The following ATXN7L1 variants were observed in gnomAD, a reference collection of about 807,000 sequenced individuals.
ATXN7L1 encodes ataxin-7-like protein 1.
A neutral mutation model predicts 70.8 loss-of-function variants in ATXN7L1; 15 were observed. That is an observed-to-expected ratio of 0.21 (90% CI 0.14 to 0.33). The LOEUF is 0.33. Among genes scored for constraint, ATXN7L1 ranks in the 10% least tolerant of loss-of-function variants. The pLI, the probability that ATXN7L1 is intolerant of heterozygous loss-of-function variation, is 1.00. For missense variants in ATXN7L1, 975 were observed against 1,097.1 expected (o/e 0.89, Z 1.57); for synonymous variants, 440 against 445.1 (o/e 0.99, Z 0.14).
chr7:105,814,931 C>T (rs183031464), intron 2 of ATXN7L1, among the ~76,000 whole-genome samples: 4 of 152,200 alleles, frequency 2.6e-5, no homozygotes, highest in East Asian at 1.9e-4. Flanking sequence ...ACAATCAGTT[C>T]GTAGGACTGT....
intron 7 of ATXN7L1, among the ~76,000 whole-genome samples, chr7:105,636,969 G>A (rs774952314): frequency 1.3e-5 from 2 of 152,202 alleles, no homozygotes; most frequent in African/African-American, 2.4e-5. Context: ...AGTTTGGAAC[G>A]GAATTGTTGC....
intron 3 of ATXN7L1, among the ~76,000 whole-genome samples, chr7:105,772,131 T>A (rs962449463): frequency 5.7e-5 from 8 of 140,086 alleles, no homozygotes; most frequent in African/African-American, 2.2e-4. Context: ...TGAAGTGCAG[T>A]GGCACGATCT....
intron 5 of ATXN7L1, 122 bp from the exon 6 acceptor site, chr7:105,639,691 T>A: frequency 1.4e-6 from 1 of 728,034 alleles, no homozygotes; most frequent in Non-Finnish European, 2.2e-6. Flanking sequence ...TCAGGCAATC[T>A]GTTTTTTGTT....
At position 105,605,042 on chromosome 7, in the gene ATXN7L1, C is replaced by CGGTTTTTTT; in HGVS notation, c.*2809_*2810insAAAAAAACC. 1 of 71,558 alleles carries CGGTTTTTTT rather than the reference C, an allele frequency of 1.4e-5. No individual in the cohort carries two copies. The highest frequency in any genetic ancestry group is 6.7e-4 in the South Asian group (1 of 1,496). The allele number at this position is 71,558 out of a possible 1,614,324, so 4.4% of individuals were successfully genotyped here. On this transcript the variant is annotated 3_prime_UTR_variant, in exon 12 of 12. Coordinates refer to ENST00000419735, the MANE Select transcript of ATXN7L1 (RefSeq NM_020725.2). ...GAAGGCATACAAGTTATCCAAGTCG[C>CGGTTTTTTT]TTTTTTTTTTTTTTTTTTTTTTTTA... is the stretch of plus-strand genomic sequence containing the variant.
chr7:105,722,912 T>TAA (rs1195773860), intron 3 of ATXN7L1, among the ~76,000 whole-genome samples: 10 of 150,100 alleles, frequency 6.7e-5, no homozygotes, highest in African/African-American at 2.5e-4. Context: ...TAAAATAAAA[T>TAA]AATAAAATAA....
chr7:105,719,175 T>A (rs898582859), intron 3 of ATXN7L1, among the ~76,000 whole-genome samples: 3 of 152,158 alleles, frequency 2.0e-5, no homozygotes, highest in African/African-American at 7.2e-5. Flanking sequence ...GAGGCCTGGA[T>A]GGGTGAGGGG....
At chr7:105,875,627 A>ACCCCCCCCC (rs3835024) in intron 2 of ATXN7L1, among the ~76,000 whole-genome samples, 185 bp downstream of exon 2, 2 of 94,774 alleles carry the variant, frequency 2.1e-5, no homozygotes, top group Non-Finnish European at 4.0e-5. Flanking sequence ...ACCCCCCTTT[A>ACCCCCCCCC]CCCCCCCCCC....
intron 2 of ATXN7L1, among the ~76,000 whole-genome samples, chr7:105,827,854 C>T (rs983873455): frequency 3.3e-5 from 5 of 152,116 alleles, no homozygotes; most frequent in African/African-American, 4.8e-5. Flanking sequence ...CCCCAGCAGT[C>T]GGGCTGCATC....
chr7:105,792,960 C>A (rs1311403927), intron 2 of ATXN7L1, among the ~76,000 whole-genome samples: 1 of 152,180 alleles, frequency 6.6e-6, no homozygotes, highest in African/African-American at 2.4e-5. Context: ...AATGAACCTG[C>A]AAAATTGTCA....
intron 4 of ATXN7L1, among the ~76,000 whole-genome samples, chr7:105,649,850 T>G (rs2115972410): frequency 6.6e-6 from 1 of 152,348 alleles, no homozygotes; most frequent in Non-Finnish European, 1.5e-5. Context: ...ATGAGAGTTC[T>G]CAGCTGTCTG....
chr7:105,761,122 G>T, intron 3 of ATXN7L1: 1 of 1,161,474 alleles, frequency 8.6e-7, no homozygotes. Flanking sequence ...GTCCAGGTGG[G>T]AATTGATGGC....
At chr7:105,860,972 G>A (rs1203471803) in intron 2 of ATXN7L1, among the ~76,000 whole-genome samples, 8 of 152,222 alleles carry the variant, frequency 5.3e-5, no homozygotes, top group South Asian at 2.1e-4. Context: ...CAAAGTACAC[G>A]CTGGGCATGG....
intron 2 of ATXN7L1, among the ~76,000 whole-genome samples, chr7:105,839,971 A>C (rs926481617): frequency 1.3e-5 from 2 of 152,242 alleles, no homozygotes; most frequent in Non-Finnish European, 2.9e-5. Context: ...GGGTGGTGTC[A>C]GGGAAACCTC....
intron 3 of ATXN7L1, among the ~76,000 whole-genome samples, chr7:105,745,613 TTTCCCCTAC>T: frequency 6.6e-6 from 1 of 152,330 alleles, no homozygotes; most frequent in Admixed American, 6.5e-5. Flanking sequence ...CTAGGGGCTC[TTTCCCCTAC>T]TTCACACTGC....
At chr7:105,696,954 CA>C (rs1169915092) in intron 3 of ATXN7L1, among the ~76,000 whole-genome samples, 1 of 152,102 alleles carries the variant, frequency 6.6e-6, no homozygotes, top group African/African-American at 2.4e-5. Flanking sequence ...CGTGATGCCC[CA>C]CACGCCACAA....
chr7:105,697,968 G>C (rs1035336587), intron 3 of ATXN7L1, among the ~76,000 whole-genome samples: 1 of 152,204 alleles, frequency 6.6e-6, no homozygotes, highest in Non-Finnish European at 1.5e-5. Flanking sequence ...GCAGGGACGA[G>C]CACTGTCTTT....
At chr7:105,805,879 G>A (rs887564179) in intron 2 of ATXN7L1, among the ~76,000 whole-genome samples, 8 of 152,212 alleles carry the variant, frequency 5.3e-5, no homozygotes, top group African/African-American at 1.9e-4. Flanking sequence ...GATAAGGCCA[G>A]AGAGGTGCGA....
intron 3 of ATXN7L1, among the ~76,000 whole-genome samples, chr7:105,752,445 AC>A (rs1314749805): frequency 2.0e-5 from 3 of 151,778 alleles, no homozygotes; most frequent in Admixed American, 2.0e-4. Flanking sequence ...CCAATTAGAA[AC>A]TCACAGGACA....
intron 2 of ATXN7L1, among the ~76,000 whole-genome samples, chr7:105,857,936 A>G (rs1284570371): frequency 2.0e-5 from 3 of 152,176 alleles, no homozygotes; most frequent in Non-Finnish European, 4.4e-5. Flanking sequence ...ACAGGGGGAA[A>G]AAAAAAAGAA....
Sources: gnomAD v4.1 joint callset for allele counts (sites outside exome capture counted in the v4.1 genomes callset) on GRCh38, gnomAD v4.1.1 for gene constraint, MANE v1.5 for transcripts, NCBI Gene and HGNC (gene_info 2026-07-23, HGNC 2026-07-21) for gene names.